The following LRP2 variants were observed in gnomAD, a reference collection of about 807,000 sequenced individuals.
The protein encoded by LRP2 is LDL receptor related protein 2, also known as low-density lipoprotein receptor-related protein 2.
In LRP2, 172 loss-of-function variants were observed where a neutral mutation model predicts 531.0. The ratio of observed to expected loss-of-function variants is 0.32; its 90% confidence interval spans 0.29 to 0.37. LRP2 has a LOEUF of 0.37. Among genes scored for constraint, LRP2 ranks in the 10% least tolerant of loss-of-function variants. The pLI is 1.00. For missense variants in LRP2, 5,167 were observed against 5,868.3 expected, an observed-to-expected ratio of 0.88 and a Z score of 3.90; for synonymous variants, 1,992 against 2,027.6, an observed-to-expected ratio of 0.98 and a Z score of 0.47.
chr2:169,302,455 G>A (rs191011133), intron 4 of LRP2, among the ~76,000 whole-genome samples: 56 of 152,070 alleles, frequency 3.7e-4, no homozygotes, highest in Admixed American at 3.5e-3. Flanking sequence ...GGATGATTTG[G>A]CTCCTGGAGG....
intron 74 of LRP2, 85 bp from the exon 75 acceptor site, chr2:169,138,791 C>A: frequency 1.4e-6 from 2 of 1,464,462 alleles, no homozygotes; most frequent in Admixed American, 1.7e-5. Flanking sequence ...CAATAGTACC[C>A]TCTCCTCCAC....
At chr2:169,218,014 A>C (rs1323499102) in intron 34 of LRP2, among the ~76,000 whole-genome samples, 1 of 152,140 alleles carries the variant, frequency 6.6e-6, no homozygotes, top group African/African-American at 2.4e-5. Context: ...TCCTCTCTTG[A>C]ATATCATCAG....
chr2:169,190,293 G>A (rs1229974211), intron 48 of LRP2, among the ~76,000 whole-genome samples: 2 of 152,188 alleles, frequency 1.3e-5, no homozygotes, highest in Non-Finnish European at 2.9e-5. Flanking sequence ...TACAAAAGAA[G>A]ACAGCTCCAC....
chr2:169,351,852 T>A (rs920860466), intron 1 of LRP2, among the ~76,000 whole-genome samples: 1 of 152,064 alleles, frequency 6.6e-6, no homozygotes, highest in Non-Finnish European at 1.5e-5. Flanking sequence ...CAGAGCCAGA[T>A]AAAGGGGCCA....
At position 169,154,565 on chromosome 2, in the gene LRP2, T is replaced by A; in HGVS notation, c.12190A>T (p.Ile4064Phe). ...PLLLLPDNVR[I>F]RKYNLSSERF... Reference sequence around the variant, plus strand: ...TCAGATGAGAGATTATATTTTCGAATTCGGACATTGTCAGGCAGTAGCAAC... The same window carrying A: ...TCAGATGAGAGATTATATTTTCGAAATCGGACATTGTCAGGCAGTAGCAAC... The change falls in exon 66 of 79, where the codon ATT becomes TTT. Residue 4064 changes from isoleucine (I) to phenylalanine (F), a missense_variant. This residue lies in a region of LRP2 where 564 missense variants were observed against 747.7 expected (regional missense o/e 0.75). Transcript: ENST00000649046. 6.2e-7 allele frequency: 1 copy of A among 1,613,600 alleles called. No individual in the cohort carries two copies. The highest frequency in any genetic ancestry group is 8.5e-7 in the Non-Finnish European group (1 of 1,179,624).
chr2:169,349,710 T>C (rs1168877076), intron 1 of LRP2, among the ~76,000 whole-genome samples: 1 of 152,182 alleles, frequency 6.6e-6, no homozygotes, highest in African/African-American at 2.4e-5. Flanking sequence ...AGCAAGGCCA[T>C]TTCAGCCTGA....
At chr2:169,129,806 C>T (rs1685220373) in intron 77 of LRP2, among the ~76,000 whole-genome samples, 1 of 152,176 alleles carries the variant, frequency 6.6e-6, no homozygotes, top group Non-Finnish European at 1.5e-5. Context: ...TCACCCTGGA[C>T]CATGGTGCGT....
chr2:169,226,026 T>C (rs938493476), intron 32 of LRP2, among the ~76,000 whole-genome samples: 7 of 152,212 alleles, frequency 4.6e-5, no homozygotes, highest in Admixed American at 6.5e-5. Context: ...TGAGTTTTGA[T>C]CATTTTTATA....
intron 16 of LRP2, 26 bp from the exon 17 acceptor site, chr2:169,259,243 T>G (rs1440615504): frequency 3.2e-6 from 5 of 1,575,102 alleles, no homozygotes; most frequent in Non-Finnish European, 4.4e-6. Flanking sequence ...TGGACATATT[T>G]TAAGCTAAGT....
intron 9 of LRP2, among the ~76,000 whole-genome samples, chr2:169,283,599 A>G (rs1258995441): frequency 6.6e-6 from 1 of 152,180 alleles, no homozygotes; most frequent in Non-Finnish European, 1.5e-5. Context: ...AAACAAATCT[A>G]TGACTGCAAT....
chr2:169,139,408 G>C, intron 73 of LRP2, 37 bp from the exon 74 acceptor site: 1 of 1,614,150 alleles, frequency 6.2e-7, no homozygotes, highest in Non-Finnish European at 8.5e-7. Flanking sequence ...ATCAACACAT[G>C]GGAGCCCGCA....
rs1393564907 is a variant in LRP2, at chr2:169,175,270, T to C, written c.10691A>G (p.Asn3564Ser). Residue 3564 changes from asparagine to serine, a missense_variant, in exon 55 of 79, where the codon AAC becomes AGC. This residue lies in a region of LRP2 where 311 missense variants were observed against 309.4 expected (regional missense o/e 1.01). Transcript: ENST00000649046. ...RLGQFQCSDG[N>S]CTSPQTLCNA... ...GCATAAAGTCTGCGGGCTGGTGCAG[T>C]TGCCGTCACTGCACTGGAACTGTCC... 4.3e-6 allele frequency: 7 copies of C among 1,614,228 alleles called. No homozygotes were observed. The highest frequency in any genetic ancestry group is 4.0e-5 in the African/African-American group (3 of 75,054).
chr2:169,242,869 G>C, intron 24 of LRP2, 87 bp downstream of exon 24: 1 of 979,946 alleles, frequency 1.0e-6, no homozygotes, highest in Non-Finnish European at 1.7e-6. Flanking sequence ...GTCTGAGTTA[G>C]GGAAAATGTG....
chr2:169,356,846 AG>A (rs1483503960), intron 1 of LRP2, among the ~76,000 whole-genome samples: 5 of 152,232 alleles, frequency 3.3e-5, no homozygotes, highest in Non-Finnish European at 7.3e-5. Context: ...CAGGGTTATT[AG>A]GAATGAGTCA....
At chr2:169,330,479 T>C (rs775158591) in intron 1 of LRP2, among the ~76,000 whole-genome samples, 2 of 152,104 alleles carry the variant, frequency 1.3e-5, no homozygotes, top group Admixed American at 1.3e-4. Context: ...CCCCCAAGGC[T>C]CTTACATCCC....
intron 56 of LRP2, 64 bp downstream of exon 56, chr2:169,173,855 C>T: frequency 6.2e-7 from 1 of 1,605,986 alleles, no homozygotes; most frequent in Non-Finnish European, 8.5e-7. Flanking sequence ...TCTCTCAGTC[C>T]CCATGGAAGT....
intron 29 of LRP2, 38 bp downstream of exon 29, chr2:169,235,802 C>A (rs758581125): frequency 4.8e-6 from 7 of 1,470,804 alleles, no homozygotes; most frequent in Non-Finnish European, 6.7e-6. Flanking sequence ...CTATCCACGA[C>A]TGTAGTTTTA....
rs1167270807 is a variant in LRP2 at position 169,209,433 on chromosome 2, T to G, written c.6469+20A>C. The G allele has an allele frequency of 3.7e-6, 6 of 1,610,706 alleles. No homozygotes were observed. Among genetic ancestry groups the G allele is most frequent in the African/African-American group, 1.3e-5 (1 of 74,852 alleles). ...TGACAGAGATGCAAACATATTAAAA[T>G]CACCATATAGCTTACATACCTGCTA... On this transcript the variant is annotated intron_variant, in intron 38 of 78. Coordinates refer to ENST00000649046, the MANE Select transcript of LRP2 (RefSeq NM_004525.3).
Position 169,233,407 on chromosome 2 carries a change from T to C in LRP2, c.5098+4A>G. 6.2e-7 allele frequency: 1 copy of C among 1,614,188 alleles called. No homozygotes were observed. Among genetic ancestry groups the C allele is most frequent in the Non-Finnish European group, 8.5e-7 (1 of 1,180,010 alleles). On this transcript the variant is annotated splice_donor_region_variant and intron_variant, in intron 30 of 78. Coordinates refer to ENST00000649046, the MANE Select transcript of LRP2 (RefSeq NM_004525.3). ...CAGGCAGGATGTTTCTCTGTATCAC[T>C]CACAATTTGGTTGTTTCGAAGGATG...
Sources: gnomAD v4.1 joint callset for allele counts (sites outside exome capture counted in the v4.1 genomes callset) on GRCh38, gnomAD v4.1.1 for gene constraint, gnomAD v4.1.1 regional missense constraint, MANE v1.5 for transcripts, NCBI Gene and HGNC (gene_info 2026-07-23, HGNC 2026-07-21) for gene names.